Variants in LRCH3 observed in about 807,000 individuals in gnomAD.
The protein encoded by LRCH3 is leucine rich repeats and calponin homology domain containing 3.
A neutral mutation model predicts 104.5 loss-of-function variants in LRCH3; 68 were observed. That is an observed-to-expected ratio of 0.65 (90% confidence interval 0.54 to 0.80). LRCH3 has a LOEUF of 0.80. LRCH3 is among the 30% of genes least tolerant of loss of function. The pLI, the probability that LRCH3 is intolerant of heterozygous loss-of-function variation, is 0.00. For synonymous variants in LRCH3, 344 were observed against 361.3 expected, an observed-to-expected ratio of 0.95 and a Z score of 0.54; for missense variants, 951 against 953.9, an observed-to-expected ratio of 1.00 and a Z score of 0.04.
In LRCH3 at chr3:197,815,212, A is replaced by G. The variant is rs112870675; in HGVS notation, c.407+160A>G. Among the ~76,000 whole-genome samples the G allele has an allele frequency of 5.3e-5, 8 of 152,204 alleles. 1 individual carries two copies. The highest frequency in any genetic ancestry group is 1.9e-4 in the African/African-American group (8 of 41,548). Reference sequence around the variant, plus strand: ...TTAACAGTATTTCCTATGTCCCTCCAGTTTCTCTCTTTATCTTTGGCTTTG... The same window carrying G: ...TTAACAGTATTTCCTATGTCCCTCCGGTTTCTCTCTTTATCTTTGGCTTTG... On this transcript the variant is annotated intron_variant, in intron 2 of 20. Coordinates refer to ENST00000425562, the MANE Select transcript of LRCH3 (RefSeq NM_001365715.1).
intron 4 of LRCH3, among the ~76,000 whole-genome samples, chr3:197,824,409 A>G (rs1340489339): frequency 7.5e-6 from 1 of 132,928 alleles, no homozygotes; most frequent in Admixed American, 7.8e-5. Flanking sequence ...ATCTTTTTAT[A>G]TGCTTATTTT....
intron 6 of LRCH3, 47 bp from the exon 7 acceptor site, chr3:197,830,723 A>G: frequency 1.4e-6 from 2 of 1,477,338 alleles, no homozygotes; most frequent in Non-Finnish European, 1.9e-6. Context: ...TCAAATTTTA[A>G]TTGTTAAAAT....
chr3:197,804,306 A>G (rs1732233346), intron 1 of LRCH3, among the ~76,000 whole-genome samples: 1 of 152,180 alleles, frequency 6.6e-6, no homozygotes, highest in Non-Finnish European at 1.5e-5. Context: ...TAAGCAAAGA[A>G]GAAAGTTATG....
At chr3:197,812,502 CAG>C in intron 1 of LRCH3, among the ~76,000 whole-genome samples, 1 of 11,314 alleles carries the variant, frequency 8.8e-5, no homozygotes, top group Non-Finnish European at 2.1e-4. Flanking sequence ...TCTCTGCTTT[CAG>C]TTTTTTTTTT....
intron 19 of LRCH3, among the ~76,000 whole-genome samples, chr3:197,875,273 G>T (rs1002520866): frequency 6.6e-6 from 1 of 152,080 alleles, no homozygotes; most frequent in Non-Finnish European, 1.5e-5. Context: ...TTTATTATCT[G>T]ATCCTTTAAA....
intron 20 of LRCH3, chr3:197,882,535 A>C: frequency 5.3e-6 from 5 of 945,342 alleles, no homozygotes; most frequent in Non-Finnish European, 6.3e-6. Flanking sequence ...AAAACAAAAA[A>C]CAAAAAAACC....
At chr3:197,874,160 C>T (rs908911235) in intron 19 of LRCH3, among the ~76,000 whole-genome samples, 1 of 152,132 alleles carries the variant, frequency 6.6e-6, no homozygotes, top group African/African-American at 2.4e-5. Flanking sequence ...AACCCCTGGG[C>T]CACAAATGGG....
chr3:197,817,086 G>T, intron 2 of LRCH3, 90 bp from the exon 3 acceptor site: 1 of 1,157,990 alleles, frequency 8.6e-7, no homozygotes, highest in Non-Finnish European at 1.2e-6. Context: ...ACTCATATTT[G>T]TTATTTTACT....
intron 9 of LRCH3, 106 bp from the exon 10 acceptor site, chr3:197,839,215 T>C: frequency 1.4e-6 from 1 of 700,618 alleles, no homozygotes; most frequent in Non-Finnish European, 2.3e-6. Flanking sequence ...ATTAAAATGT[T>C]TTTTAGTGTA....
chr3:197,803,204 T>C (rs1221876573), intron 1 of LRCH3, among the ~76,000 whole-genome samples: 1 of 152,258 alleles, frequency 6.6e-6, no homozygotes, highest in South Asian at 2.1e-4. Flanking sequence ...GGTAGTTATA[T>C]GTCTCACTTG....
rs888257470 is a variant in LRCH3 at position 197,796,365 on chromosome 3, G to A, written c.262+4825G>A. 6.6e-5 allele frequency among the ~76,000 whole-genome samples: 10 copies of A among 152,230 alleles called. No homozygotes were observed. The South Asian group carries it at 1.2e-3, about 19-fold the overall frequency. ...AGAGGAAACAAAAATGAGGCCTTAC[G>A]AATATTTTTAAATCTAGTAATCTGG... On this transcript the variant is annotated intron_variant, in intron 1 of 20. Coordinates refer to ENST00000425562, the MANE Select transcript of LRCH3 (RefSeq NM_001365715.1).
intron 20 of LRCH3, among the ~76,000 whole-genome samples, chr3:197,877,960 A>T (rs974894304): frequency 3.9e-5 from 6 of 152,332 alleles, no homozygotes; most frequent in Admixed American, 3.3e-4. Context: ...TTTCTGAAGA[A>T]ATAACATACA....
rs1404722980 is a variant in LRCH3 at position 197,885,108 on chromosome 3, C to T, written c.*1442C>T. ...TATCTAGACATTATCAACAACAAGC[C>T]CTCTCTCTATACAGAGTTTCCAAAT... is the stretch of plus-strand genomic sequence containing the variant. On this transcript the variant is annotated 3_prime_UTR_variant, in exon 21 of 21. Coordinates refer to ENST00000425562, the MANE Select transcript of LRCH3 (RefSeq NM_001365715.1). 6.6e-6 allele frequency: 1 copy of T among 152,190 alleles called. No individual in the cohort carries two copies. The highest frequency in any genetic ancestry group is 2.4e-5 in the African/African-American group (1 of 41,426). The allele number at this position is 152,190 out of a possible 1,614,324, so 9.4% of individuals were successfully genotyped here.
Position 197,871,400 on chromosome 3 carries a change from C to T in LRCH3, c.2068C>T (p.His690Tyr). ...AALTDGVVLC[H>Y]LANHVRPRSV... Reference sequence around the variant, plus strand: ...TCTAACTGACGGTGTTGTTCTTTGCCATTTGGCCAATCATGTGCGACCTCG... The same window carrying T: ...TCTAACTGACGGTGTTGTTCTTTGCTATTTGGCCAATCATGTGCGACCTCG... Residue 690 changes from histidine to tyrosine, a missense_variant, in exon 19 of 21, where the codon CAT becomes TAT. Physicochemically the swap from His to Tyr is moderately conservative, Grantham distance 83 (BLOSUM62 2). Coordinates refer to ENST00000425562, the MANE Select transcript of LRCH3 (RefSeq NM_001365715.1). 1 of 1,614,104 alleles carries T rather than the reference C, an allele frequency of 6.2e-7. No homozygotes were observed. The highest frequency in any genetic ancestry group is 8.5e-7 in the Non-Finnish European group (1 of 1,179,992).
rs1327789660 is a variant in LRCH3 at position 197,854,026 on chromosome 3, A to G, written c.1591-366A>G. On this transcript the variant is annotated intron_variant, in intron 13 of 20. Transcript: ENST00000425562. This position sits in a 1 kb window ranked among gnomAD's most constrained non-coding sequence, Gnocchi z 4.5. ...TTTGCTTAAGAAAGAAAATGAAGAG[A>G]TACTTAGACTAGAAATTATGACTCT... is the stretch of plus-strand genomic sequence containing the variant. 6.6e-6 allele frequency among the ~76,000 whole-genome samples: 1 copy of G among 152,226 alleles called. No individual in the cohort carries two copies. Among genetic ancestry groups the G allele is most frequent in the Non-Finnish European group, 1.5e-5 (1 of 68,040 alleles).
At position 197,810,809 on chromosome 3, in the gene LRCH3, T is replaced by C. The variant is rs950010600; in HGVS notation, c.263-4099T>C. ...GTCACTAAAATGGCATTTAAAGTTA[T>C]ATAAATATACTATTTTGATAAAAAT... is the stretch of plus-strand genomic sequence containing the variant. On this transcript the variant is annotated intron_variant, in intron 1 of 20. Transcript: ENST00000425562. This position sits in a 1 kb window ranked among gnomAD's most constrained non-coding sequence, Gnocchi z 4.0. Among the ~76,000 whole-genome samples the C allele has an allele frequency of 6.6e-6, 1 of 152,132 alleles. No individual in the cohort carries two copies. Among genetic ancestry groups the C allele is most frequent in the Non-Finnish European group, 1.5e-5 (1 of 68,030 alleles).
Position 197,886,788 on chromosome 3 carries a change from GAGC to G in LRCH3, c.*3123_*3125del, listed in dbSNP as rs1316712560. 2.3e-5 allele frequency: 3 copies of G among 133,084 alleles called. No individual in the cohort carries two copies. The highest frequency in any genetic ancestry group is 4.6e-5 in the Non-Finnish European group (3 of 64,952). The allele number at this position is 133,084 out of a possible 1,614,324, so 8.2% of individuals were successfully genotyped here. A position where few individuals can be genotyped will look rare whatever the true frequency, so the allele number is the denominator to read the frequency against. ...CCACTGCACTCCAGCCTGGGCAACA[GAGC>G]GAGACTCTGTCTCAAAAAAAAAAAA... is the stretch of plus-strand genomic sequence containing the variant. On this transcript the variant is annotated 3_prime_UTR_variant, in exon 21 of 21. Transcript: ENST00000425562.
rs1301686131 is a variant in LRCH3, at chr3:197,791,473, C to T, written c.195C>T (p.Ser65=). The change falls in exon 1 of 21, where the codon AGC becomes AGT. Residue 65 remains serine (S), a synonymous_variant. Transcript: ENST00000425562. ...CGGTCACTGGGGTGCTGAGCCTGAGCGGCCGGAAACTGAGGGAGTTTCCCC... is the reference window on the plus strand; with the variant it reads ...CGGTCACTGGGGTGCTGAGCCTGAGTGGCCGGAAACTGAGGGAGTTTCCCC... ...EAAVTGVLSL[S]GRKLREFPRG... The T allele has an allele frequency of 6.2e-7, 1 of 1,600,700 alleles. No homozygotes were observed. Among genetic ancestry groups the T allele is most frequent in the East Asian group, 2.3e-5 (1 of 43,850 alleles).
At chr3:197,838,060 CAA>C (rs35208899) in intron 9 of LRCH3, among the ~76,000 whole-genome samples, 2,841 of 142,876 alleles carry the variant, frequency 0.02, 48 homozygotes, top group South Asian at 0.039. Context: ...ATTCTGTATC[CAA>C]AAAAAAAAAA....
Sources: allele counts gnomAD v4.1 joint callset (sites outside exome capture counted in the v4.1 genomes callset), GRCh38; gene constraint gnomAD v4.1.1; non-coding constraint Gnocchi (gnomAD v3.1); transcripts MANE v1.5; gene names NCBI Gene and HGNC (gene_info 2026-07-23, HGNC 2026-07-21).